TAFA5: variants seen among roughly 807,000 people sequenced by gnomAD.
TAFA5 encodes the protein TAFA chemokine like family member 5, also known as chemokine-like protein TAFA-5.
A neutral mutation model predicts 15.3 loss-of-function variants in TAFA5; 6 were observed. The observed-to-expected ratio is 0.39, with a 90% confidence interval of 0.21 to 0.77. The LOEUF (loss-of-function observed/expected upper bound fraction) is 0.77, where lower values mean the gene tolerates loss of function less well. Among genes scored for constraint, TAFA5 ranks in the 30% least tolerant of loss-of-function variants. The pLI is 0.41. For missense variants in TAFA5, 161 were observed against 193.1 expected, an observed-to-expected ratio of 0.83 and a Z score of 0.98; for synonymous variants, 103 against 80.7, an observed-to-expected ratio of 1.28 and a Z score of -1.48.
intron 2 of TAFA5, among the ~76,000 whole-genome samples, chr22:48,658,692 G>T (rs1314741056): frequency 6.6e-6 from 1 of 152,258 alleles, no homozygotes; most frequent in Admixed American, 6.5e-5. Flanking sequence ...CAGCTGGAGA[G>T]TGGGGGCACT....
At chr22:48,637,203 G>A (rs548269936) in intron 1 of TAFA5, among the ~76,000 whole-genome samples, 1 of 152,304 alleles carries the variant, frequency 6.6e-6, no homozygotes, top group East Asian at 1.9e-4. Context: ...CAGGGCCGTG[G>A]CTCCTGGTGC....
At chr22:48,548,535 G>T (rs1203624201) in intron 1 of TAFA5, among the ~76,000 whole-genome samples, 1 of 152,206 alleles carries the variant, frequency 6.6e-6, no homozygotes, top group African/African-American at 2.4e-5. Context: ...CTACAGTGGG[G>T]TCAGACTGGA....
chr22:48,689,483 C>T (rs368119989), intron 2 of TAFA5, among the ~76,000 whole-genome samples: 9 of 152,284 alleles, frequency 5.9e-5, no homozygotes, highest in East Asian at 5.8e-4. Flanking sequence ...AGCACAGGGT[C>T]GGGTTCTGAC....
At chr22:48,511,420 C>CGTGA (rs567347499) in intron 1 of TAFA5, among the ~76,000 whole-genome samples, 49 of 152,288 alleles carry the variant, frequency 3.2e-4, no homozygotes, top group African/African-American at 1.1e-3. Context: ...CAGGGAGAAG[C>CGTGA]GTGATGTGGC....
In TAFA5 at chr22:48,633,135, C is replaced by T. The variant is rs116805448; in HGVS notation, c.113-13462C>T. Among the ~76,000 whole-genome samples, 532 of 152,224 alleles carry T rather than the reference C, an allele frequency of 3.5e-3. 4 individuals are homozygous for T. Among genetic ancestry groups the T allele is most frequent in the African/African-American group, 0.012 (515 of 41,534 alleles). ...CTCCCAGCAGCCCGAAGAGCCAGGC[C>T]GCCCCCACTGGGCAGCAAGGAGGAG... is the stretch of plus-strand genomic sequence containing the variant. On this transcript the variant is annotated intron_variant, in intron 1 of 3. Transcript: ENST00000402357.
At chr22:48,521,354 C>T (rs1033062094) in intron 1 of TAFA5, among the ~76,000 whole-genome samples, 4 of 152,254 alleles carry the variant, frequency 2.6e-5, no homozygotes, top group Non-Finnish European at 4.4e-5. Context: ...GGACCCCTGG[C>T]GTTCAGTTTG....
At chr22:48,740,692 CT>C (rs1314813896) in intron 3 of TAFA5, among the ~76,000 whole-genome samples, 7 of 152,208 alleles carry the variant, frequency 4.6e-5, no homozygotes, top group African/African-American at 1.4e-4. Flanking sequence ...GTGTCCACCC[CT>C]GATGGAGATT....
chr22:48,634,138 T>TCACTCACC (rs1926351487), intron 1 of TAFA5, among the ~76,000 whole-genome samples: 1 of 151,980 alleles, frequency 6.6e-6, no homozygotes, highest in Non-Finnish European at 1.5e-5. Flanking sequence ...ACTCACTCAC[T>TCACTCACC]CACTCATTTA....
chr22:48,708,380 G>A (rs1045100755), intron 3 of TAFA5, among the ~76,000 whole-genome samples: 1 of 152,192 alleles, frequency 6.6e-6, no homozygotes, highest in African/African-American at 2.4e-5. Context: ...CCTGAGTGGG[G>A]CATGCAGTGC....
chr22:48,693,158 T>G (rs1928596429), intron 2 of TAFA5: 1 of 825,644 alleles, frequency 1.2e-6, no homozygotes, highest in Admixed American at 2.6e-5. Context: ...TCGAAGCCTC[T>G]GCTGGAAAAT....
chr22:48,684,161 G>A lies in TAFA5; in HGVS notation c.263-23556G>A, dbSNP rs542611877. On this transcript the variant is annotated intron_variant, in intron 2 of 3. Coordinates refer to ENST00000402357, the MANE Select transcript of TAFA5 (RefSeq NM_001082967.3). ...AATTCCAGGCAATGGTATTTTCTTG[G>A]GAGGGGAGTGAGCGTTCGGAAGCAG... Among the ~76,000 whole-genome samples the A allele has an allele frequency of 1.8e-4, 28 of 152,276 alleles. No homozygotes were observed. In the South Asian group the frequency reaches 5.4e-3, roughly 29 times the overall value.
chr22:48,743,413 T>A (rs796669702), intron 3 of TAFA5, among the ~76,000 whole-genome samples: 7 of 152,212 alleles, frequency 4.6e-5, no homozygotes, highest in African/African-American at 1.4e-4. Flanking sequence ...TGTAAGGGAG[T>A]GGTATCCACC....
rs111614964 is a variant in TAFA5 at position 48,612,444 on chromosome 22, G to A, written c.113-34153G>A. Among the ~76,000 whole-genome samples, 1,300 of 152,218 alleles carry A rather than the reference G, an allele frequency of 8.5e-3. 15 individuals are homozygous for A. Among genetic ancestry groups the A allele is most frequent in the African/African-American group, 0.028 (1,147 of 41,524 alleles). ...TGACATTTTGAGCGTGTGTCAAGGT[G>A]TCCCTATAGCACGCCCACCTGTTGC... On this transcript the variant is annotated intron_variant, in intron 1 of 3. Coordinates refer to ENST00000402357, the MANE Select transcript of TAFA5 (RefSeq NM_001082967.3).
At chr22:48,558,679 G>C (rs6008755) in intron 1 of TAFA5, among the ~76,000 whole-genome samples, 1 of 152,164 alleles carries the variant, frequency 6.6e-6, no homozygotes, top group Non-Finnish European at 1.5e-5. Flanking sequence ...TGGGAGACTC[G>C]AATGCGGAGA....
chr22:48,519,885 G>A (rs1921544150), intron 1 of TAFA5, among the ~76,000 whole-genome samples: 2 of 152,358 alleles, frequency 1.3e-5, no homozygotes, highest in Admixed American at 6.5e-5. Context: ...TGCAGAGTGG[G>A]AAAGTGTCCC....
chr22:48,535,893 C>T (rs1054830856), intron 1 of TAFA5, among the ~76,000 whole-genome samples: 6 of 152,232 alleles, frequency 3.9e-5, no homozygotes, highest in African/African-American at 1.4e-4. Context: ...TGTGTGCACA[C>T]AGGCTGTGTG....
intron 2 of TAFA5, among the ~76,000 whole-genome samples, chr22:48,705,106 G>T (rs753727216): frequency 7.9e-5 from 12 of 152,136 alleles, no homozygotes; most frequent in Non-Finnish European, 1.3e-4. Context: ...CCTTCTGAAG[G>T]CCCCATCTCC....
intron 1 of TAFA5, among the ~76,000 whole-genome samples, chr22:48,595,277 C>G (rs1440681847): frequency 6.6e-6 from 1 of 152,232 alleles, no homozygotes; most frequent in Admixed American, 6.5e-5. Flanking sequence ...GCTCCAACCT[C>G]AAACTTCAGG....
intron 2 of TAFA5, among the ~76,000 whole-genome samples, chr22:48,682,342 G>A (rs896268305): frequency 6.6e-6 from 1 of 152,204 alleles, no homozygotes; most frequent in Non-Finnish European, 1.5e-5. Flanking sequence ...CACACCCAAG[G>A]GGCTGCAGAT....
Sources: gnomAD v4.1 joint callset for allele counts (sites outside exome capture counted in the v4.1 genomes callset) on GRCh38, gnomAD v4.1.1 for gene constraint, MANE v1.5 for transcripts, NCBI Gene and HGNC (gene_info 2026-07-23, HGNC 2026-07-21) for gene names.